The following TNRC6A variants were observed in gnomAD, a reference collection of about 807,000 sequenced individuals.
The protein encoded by TNRC6A is trinucleotide repeat-containing gene 6A protein.
Under a neutral mutation model 221.2 loss-of-function variants are expected in TNRC6A, and 44 were observed. That is an observed-to-expected ratio of 0.20 (90% confidence interval 0.16 to 0.26). The LOEUF (loss-of-function observed/expected upper bound fraction) is 0.26. Among genes scored for constraint, TNRC6A ranks in the 10% least tolerant of loss-of-function variants. The probability of loss-of-function intolerance (pLI) is 1.00; values close to 1 mark genes in which losing one functional copy is unlikely to be tolerated. For missense variants in TNRC6A, 2,199 were observed against 2,404.4 expected (o/e 0.91, Z 1.79); for synonymous variants, 847 against 838.5 (o/e 1.01, Z -0.18).
chr16:24,643,079 T>TTATA (rs1491514204), intron 2 of TNRC6A, among the ~76,000 whole-genome samples: 2 of 124,502 alleles, frequency 1.6e-5, no homozygotes, highest in African/African-American at 5.7e-5. Flanking sequence ...TATATATATA[T>TTATA]TATATATATA....
intron 4 of TNRC6A, among the ~76,000 whole-genome samples, chr16:24,775,720 C>G (rs1187155513): frequency 1.3e-5 from 2 of 152,220 alleles, no homozygotes; most frequent in Non-Finnish European, 2.9e-5. Flanking sequence ...GAGAAAGACA[C>G]AGAGGTAACT....
At chr16:24,626,753 C>T (rs552945968) in intron 1 of TNRC6A, among the ~76,000 whole-genome samples, 1 of 151,066 alleles carries the variant, frequency 6.6e-6, no homozygotes, top group African/African-American at 2.4e-5. Context: ...GGGTTCACGC[C>T]ATTCTCTTGC....
chr16:24,760,305 T>G (rs1273525068), intron 4 of TNRC6A, among the ~76,000 whole-genome samples: 1 of 152,184 alleles, frequency 6.6e-6, no homozygotes, highest in Non-Finnish European at 1.5e-5. Context: ...TTGGTTATAT[T>G]CTTACATTTT....
At chr16:24,803,755 G>A (rs1225826523) in intron 11 of TNRC6A, 4 of 156,292 alleles carry the variant, frequency 2.6e-5, no homozygotes, top group African/African-American at 7.2e-5. Context: ...ACAAAAAATA[G>A]TCAGGTGTAG....
chr16:24,762,283 T>G (rs892880415), intron 4 of TNRC6A, among the ~76,000 whole-genome samples: 9 of 152,318 alleles, frequency 5.9e-5, no homozygotes, highest in East Asian at 1.9e-4. Flanking sequence ...TGTTTTTCTG[T>G]CAAACACAAT....
intron 2 of TNRC6A, among the ~76,000 whole-genome samples, chr16:24,666,142 C>T (rs1038728820): frequency 6.6e-6 from 1 of 151,984 alleles, no homozygotes; most frequent in Non-Finnish European, 1.5e-5. Flanking sequence ...GCTGGGGCAG[C>T]ATAGCAAGAC....
At chr16:24,639,997 G>A (rs1396923316) in intron 1 of TNRC6A, among the ~76,000 whole-genome samples, 1 of 152,130 alleles carries the variant, frequency 6.6e-6, no homozygotes, top group African/African-American at 2.4e-5. Context: ...AGAAATGATA[G>A]GTGCAATCTC....
intron 2 of TNRC6A, among the ~76,000 whole-genome samples, chr16:24,706,502 G>A (rs1031766958): frequency 1.5e-4 from 23 of 151,994 alleles, no homozygotes; most frequent in African/African-American, 5.3e-4. Context: ...ACGAGGTCAG[G>A]AGATCGAGAC....
At chr16:24,796,084 C>A in intron 9 of TNRC6A, 145 bp downstream of exon 9, 1 of 837,528 alleles carries the variant, frequency 1.2e-6, no homozygotes, top group Non-Finnish European at 1.9e-6. Context: ...ATGAGTTTCA[C>A]CTTTCGGGAG....
chr16:24,817,456 T>G (rs1415656323), intron 20 of TNRC6A, among the ~76,000 whole-genome samples: 1 of 152,166 alleles, frequency 6.6e-6, no homozygotes, highest in East Asian at 1.9e-4. Context: ...TGAAGGACTT[T>G]CATCTGGAAG....
intron 2 of TNRC6A, among the ~76,000 whole-genome samples, chr16:24,681,659 T>A (rs1238951202): frequency 6.6e-6 from 1 of 152,216 alleles, no homozygotes; most frequent in Non-Finnish European, 1.5e-5. Flanking sequence ...GTCCAACTGT[T>A]AAAATATAAG....
chr16:24,644,406 C>T (rs1163455943), intron 2 of TNRC6A, among the ~76,000 whole-genome samples: 3 of 151,886 alleles, frequency 2.0e-5, no homozygotes, highest in East Asian at 1.9e-4. Context: ...GTAATCCTCC[C>T]GCCCCGGCCA....
intron 2 of TNRC6A, among the ~76,000 whole-genome samples, chr16:24,641,926 A>G (rs190801887): frequency 1.3e-5 from 2 of 152,372 alleles, no homozygotes; most frequent in East Asian, 3.9e-4. Context: ...GGGAAAAACA[A>G]TGGGAGAAAA....
Position 24,671,343 on chromosome 16 carries a change from G to T in TNRC6A, n.402+30334G>T, listed in dbSNP as rs1396170612. On this transcript the variant is annotated intron_variant and non_coding_transcript_variant, in intron 2 of 2. Transcript: ENST00000566108. Reference sequence around the variant, plus strand: ...GGAGAGAGGGAACTGAGCAGGAGGGGCATAAGACATTCCAGAAGGGTGAGG... The same window carrying T: ...GGAGAGAGGGAACTGAGCAGGAGGGTCATAAGACATTCCAGAAGGGTGAGG... Among the ~76,000 whole-genome samples the T allele has an allele frequency of 2.6e-5, 4 of 152,288 alleles. No individual in the cohort carries two copies. The East Asian group carries it at 7.7e-4, about 29-fold the overall frequency.
At chr16:24,659,246 A>G (rs1037385963) in intron 2 of TNRC6A, among the ~76,000 whole-genome samples, 1 of 152,074 alleles carries the variant, frequency 6.6e-6, no homozygotes, top group Non-Finnish European at 1.5e-5. Context: ...TTCTCTACTT[A>G]TGCCTTTGTT....
Position 24,790,294 on chromosome 16 carries a change from T to C in TNRC6A, c.1652T>C (p.Met551Thr), listed in dbSNP as rs1392882092. Reference protein sequence around the residue: ...ANGDTVNATLMQPGVNGPMGT... With the variant: ...ANGDTVNATLTQPGVNGPMGT... ...GGTGACACTGTGAATGCAACTCTAA[T>C]GCAGCCTGGCGTAAATGGTCCTATG... Residue 551 changes from methionine (M) to threonine (T), a missense_variant, in exon 6 of 25, where the codon ATG (methionine) becomes ACG (threonine). By Grantham distance (81) the Met-to-Thr change is moderately conservative. Around this residue, in one of 8 missense-constraint regions of TNRC6A, gnomAD observed 1,405 missense variants for 1,400.2 expected, o/e 1.00. Coordinates refer to ENST00000395799, the MANE Select transcript of TNRC6A (RefSeq NM_014494.4). 6.2e-7 allele frequency: 1 copy of C among 1,614,232 alleles called. No individual in the cohort carries two copies. Among genetic ancestry groups the C allele is most frequent in the South Asian group, 1.1e-5 (1 of 91,084 alleles).
chr16:24,789,537 A>G lies in TNRC6A; in HGVS notation c.895A>G (p.Ser299Gly). Residue 299 changes from serine to glycine, a missense_variant, in exon 6 of 25, where the codon AGC becomes GGC. Ser to Gly is a moderately conservative substitution (Grantham distance 56). Around this residue, in one of 8 missense-constraint regions of TNRC6A, gnomAD observed 1,405 missense variants for 1,400.2 expected, o/e 1.00. Transcript: ENST00000395799. Reference sequence around the variant, plus strand: ...TTCCCAAAACAAGTTTGTAGTTGGTAGCAGCAGCAATAATGTGGGCCATGG... The same window carrying G: ...TTCCCAAAACAAGTTTGTAGTTGGTGGCAGCAGCAATAATGTGGGCCATGG... ...LGSQNKFVVGSSSNNVGHGSS... is the reference protein window; with the variant it reads ...LGSQNKFVVGGSSNNVGHGSS... 3.1e-6 allele frequency: 5 copies of G among 1,614,182 alleles called. No homozygotes were observed. Among genetic ancestry groups the G allele is most frequent in the Non-Finnish European group, 4.2e-6 (5 of 1,180,034 alleles).
At chr16:24,741,435 T>C (rs547958225) in intron 2 of TNRC6A, among the ~76,000 whole-genome samples, 15 of 152,344 alleles carry the variant, frequency 9.8e-5, no homozygotes, top group East Asian at 1.9e-4. Flanking sequence ...GTGTATTTCG[T>C]TGATTTTCAT....
chr16:24,771,582 T>TTGTTA (rs10625690), intron 4 of TNRC6A, among the ~76,000 whole-genome samples: 18,056 of 94,494 alleles, frequency 0.19, 2,184 homozygotes, highest in Non-Finnish European at 0.22. Context: ...TTATGTTATG[T>TTGTTA]TGTTATGTTA....
Sources: allele counts gnomAD v4.1 joint callset (sites outside exome capture counted in the v4.1 genomes callset), GRCh38; gene constraint gnomAD v4.1.1; regional missense constraint gnomAD v4.1.1; transcripts MANE v1.5; gene names NCBI Gene and HGNC (gene_info 2026-07-23, HGNC 2026-07-21).